Variants in ROBO1 observed in about 807,000 individuals in gnomAD.
ROBO1 encodes the protein roundabout homolog 1.
ROBO1 carries 149 observed loss-of-function variants against 195.9 expected under a neutral mutation model. The observed-to-expected ratio is 0.76, with a 90% CI of 0.67 to 0.87. The LOEUF (loss-of-function observed/expected upper bound fraction) is 0.87. ROBO1 is among the 40% of genes least tolerant of loss of function. ROBO1 has a pLI of 0.00. For missense variants in ROBO1, 1,933 were observed against 2,068.3 expected (o/e 0.93, Z 1.27); for synonymous variants, 816 against 733.2 (o/e 1.11, Z -1.82).
chr3:78,809,210 A>G lies in ROBO1; in HGVS notation c.500-62310T>C, dbSNP rs569336047. 2.9e-3 allele frequency among the ~76,000 whole-genome samples: 438 copies of G among 152,284 alleles called. 3 individuals carry two copies. Among genetic ancestry groups the G allele is most frequent in the African/African-American group, 9.9e-3 (412 of 41,564 alleles). The stretch of plus-strand genomic sequence containing the variant: ...ATAAACAGACACTTTTCAAAAGAAG[A>G]TATTTATGTGACCAACAAACATATG... On this transcript the variant is annotated intron_variant, in intron 4 of 30. Transcript: ENST00000464233.
At chr3:79,155,768 G>C (rs1326273423) in intron 2 of ROBO1, among the ~76,000 whole-genome samples, 2 of 151,880 alleles carry the variant, frequency 1.3e-5, no homozygotes, top group East Asian at 3.9e-4. Flanking sequence ...AAGTGATAGA[G>C]TCAGAACTTG....
In ROBO1 at chr3:79,575,584, T is replaced by C. The variant is rs550930294; in HGVS notation, c.88+14240A>G. ...TATATATAAATATATATAACAAATTTTATATATATATATAATTTTCTTGTT... is the reference window on the plus strand; with the variant it reads ...TATATATAAATATATATAACAAATTCTATATATATATATAATTTTCTTGTT... On this transcript the variant is annotated intron_variant, in intron 2 of 30. Transcript: ENST00000464233. Among the ~76,000 whole-genome samples, 3 of 142,056 alleles carry C rather than the reference T, an allele frequency of 2.1e-5. No homozygotes were observed. In the South Asian group the frequency reaches 6.4e-4, roughly 30 times the overall value. The allele number at this position is 142,056 out of a possible 152,430, so 93.2% of individuals were successfully genotyped here. A position where few individuals can be genotyped will look rare whatever the true frequency, so the allele number is the denominator to read the frequency against.
intron 1 of ROBO1, among the ~76,000 whole-genome samples, chr3:79,695,603 G>A (rs1200157972): frequency 6.6e-6 from 1 of 151,282 alleles, no homozygotes; most frequent in Non-Finnish European, 1.5e-5. Flanking sequence ...CCTTGGGAGT[G>A]GAGAATGCAA....
Position 79,592,128 on chromosome 3 carries a change from A to G in ROBO1, c.-50-2167T>C, listed in dbSNP as rs141519645. On this transcript the variant is annotated intron_variant, in intron 1 of 30. Transcript: ENST00000464233. ...TTGTATCTGTGGCTAATTACATTTT[A>G]ATTGTCATTTATTAATAGCCATATA... Among the ~76,000 whole-genome samples the G allele has an allele frequency of 2.2e-3, 341 of 152,080 alleles. 2 individuals are homozygous for G. The highest frequency in any genetic ancestry group is 3.0e-3 in the Non-Finnish European group (206 of 67,958).
intron 3 of ROBO1, among the ~76,000 whole-genome samples, chr3:79,041,489 G>A (rs201468151): frequency 6.8e-6 from 1 of 146,224 alleles, no homozygotes; most frequent in Non-Finnish European, 1.5e-5. Flanking sequence ...TTTTTTTTTT[G>A]CAATCCCATA....
intron 4 of ROBO1, among the ~76,000 whole-genome samples, chr3:78,748,042 T>C (rs1232312422): frequency 6.6e-6 from 1 of 152,216 alleles, no homozygotes; most frequent in East Asian, 1.9e-4. Flanking sequence ...ATCTGATGTG[T>C]AGTAGAATGT....
intron 2 of ROBO1, among the ~76,000 whole-genome samples, chr3:79,239,063 C>T (rs1016826097): frequency 1.3e-5 from 2 of 152,166 alleles, no homozygotes; most frequent in African/African-American, 4.8e-5. Context: ...CATTCTCCAG[C>T]CTCATTTCTT....
chr3:78,636,279 T>C (rs949182937), intron 22 of ROBO1, among the ~76,000 whole-genome samples, 171 bp from the exon 23 acceptor site: 17 of 152,004 alleles, frequency 1.1e-4, no homozygotes, highest in African/African-American at 3.4e-4. Flanking sequence ...CTAAAGAAAA[T>C]TAATAATTGA....
intron 4 of ROBO1, among the ~76,000 whole-genome samples, chr3:78,754,634 G>A (rs1865863): frequency 0.24 from 36,314 of 151,930 alleles, 4,415 homozygotes; most frequent in African/African-American, 0.26. Flanking sequence ...AATATGCTAA[G>A]TAGTAGATTT....
At chr3:79,229,643 T>C (rs2082287314) in intron 2 of ROBO1, among the ~76,000 whole-genome samples, 1 of 152,058 alleles carries the variant, frequency 6.6e-6, no homozygotes, top group South Asian at 2.1e-4. Context: ...AGGTGAGGTC[T>C]CACTTTATTG....
intron 2 of ROBO1, among the ~76,000 whole-genome samples, chr3:79,522,371 C>T (rs1196916310): frequency 2.7e-5 from 4 of 148,576 alleles, no homozygotes; most frequent in African/African-American, 7.5e-5. Flanking sequence ...GCCTCTGTTC[C>T]TGCAACTGGC....
At chr3:79,435,025 G>T (rs913273983) in intron 2 of ROBO1, among the ~76,000 whole-genome samples, 1 of 151,930 alleles carries the variant, frequency 6.6e-6, no homozygotes, top group Non-Finnish European at 1.5e-5. Context: ...AGAACACTTG[G>T]ACACAGGAAG....
In ROBO1 at chr3:78,598,862, C is replaced by T. The variant is rs1702995725; in HGVS notation, c.*51G>A. On this transcript the variant is annotated 3_prime_UTR_variant, in exon 31 of 31. Coordinates refer to ENST00000464233, the MANE Select transcript of ROBO1 (RefSeq NM_002941.4). Reference sequence around the variant, plus strand: ...GCGTCATGTGTCATCTGACAGGAGGCATCTTGAGTGATGATTTTCACATTA... The same window carrying T: ...GCGTCATGTGTCATCTGACAGGAGGTATCTTGAGTGATGATTTTCACATTA... 2 of 1,329,276 alleles carry T rather than the reference C, an allele frequency of 1.5e-6. No homozygotes were observed. Among genetic ancestry groups the T allele is most frequent in the Non-Finnish European group, 2.1e-6 (2 of 952,236 alleles). The allele number at this position is 1,329,276 out of a possible 1,614,324, so 82.3% of individuals were successfully genotyped here. A position where few individuals can be genotyped will look rare whatever the true frequency, so the allele number is the denominator to read the frequency against.
chr3:79,520,574 G>A (rs1941166698), intron 2 of ROBO1, among the ~76,000 whole-genome samples: 1 of 152,156 alleles, frequency 6.6e-6, no homozygotes, highest in Non-Finnish European at 1.5e-5. Flanking sequence ...GGGGAAAATT[G>A]GAGTAGTTTA....
intron 2 of ROBO1, among the ~76,000 whole-genome samples, chr3:79,432,023 A>G (rs1330617674): frequency 6.6e-6 from 1 of 152,154 alleles, no homozygotes; most frequent in Non-Finnish European, 1.5e-5. Context: ...AATTGGAAGT[A>G]ACTTTCCACC....
Position 79,601,001 on chromosome 3 carries a change from A to C in ROBO1, c.-50-11040T>G, listed in dbSNP as rs376953515. ...TAGGGCAGAGGGAGCGATGGAGATA[A>C]GTTACAAGCGGTGGTAATTTCTATT... On this transcript the variant is annotated intron_variant, in intron 1 of 30. Coordinates refer to ENST00000464233, the MANE Select transcript of ROBO1 (RefSeq NM_002941.4). Among the ~76,000 whole-genome samples, 3 of 152,024 alleles carry C rather than the reference A, an allele frequency of 2.0e-5. No individual in the cohort carries two copies. In the East Asian group the frequency reaches 5.8e-4, roughly 29 times the overall value.
At chr3:78,704,163 C>T (rs374134156) in intron 8 of ROBO1, among the ~76,000 whole-genome samples, 8 of 152,220 alleles carry the variant, frequency 5.3e-5, no homozygotes, top group African/African-American at 1.4e-4. Flanking sequence ...CAAATAACCA[C>T]GTTAATGGTC....
intron 2 of ROBO1, among the ~76,000 whole-genome samples, chr3:79,237,820 C>T (rs1036080220): frequency 1.3e-5 from 2 of 152,018 alleles, no homozygotes; most frequent in East Asian, 3.9e-4. Flanking sequence ...GCTCTTGGAT[C>T]CAAAAAATTT....
chr3:78,855,924 A>G (rs915755003), intron 4 of ROBO1, among the ~76,000 whole-genome samples: 4 of 152,130 alleles, frequency 2.6e-5, no homozygotes, highest in African/African-American at 7.2e-5. Flanking sequence ...GAAACCAGGA[A>G]ACGTTATCAG....
Sources: allele counts gnomAD v4.1 joint callset (sites outside exome capture counted in the v4.1 genomes callset), GRCh38; gene constraint gnomAD v4.1.1; transcripts MANE v1.5; gene names NCBI Gene and HGNC (gene_info 2026-07-23, HGNC 2026-07-21).